The following ADAMTS14 variants were observed in gnomAD, a reference collection of about 807,000 sequenced individuals.
The protein encoded by ADAMTS14 is A disintegrin and metalloproteinase with thrombospondin motifs 14.
A neutral mutation model predicts 128.6 loss-of-function variants in ADAMTS14; 100 were observed. The observed-to-expected ratio is 0.78, with a 90% confidence interval of 0.66 to 0.92. ADAMTS14 has a LOEUF of 0.92. Among genes scored for constraint, ADAMTS14 ranks in the 40% least tolerant of loss-of-function variants. ADAMTS14 has a pLI of 0.00. For synonymous variants in ADAMTS14, 665 were observed against 653.8 expected, an observed-to-expected ratio of 1.02 and a Z score of -0.26; for missense variants, 1,562 against 1,658.6, an observed-to-expected ratio of 0.94 and a Z score of 1.01.
chr10:70,684,134 G>A (rs947505202), intron 2 of ADAMTS14, among the ~76,000 whole-genome samples: 2 of 151,952 alleles, frequency 1.3e-5, no homozygotes, highest in African/African-American at 4.8e-5. Flanking sequence ...GGCGGGAGCA[G>A]GAGCAAGATA....
intron 4 of ADAMTS14, among the ~76,000 whole-genome samples, chr10:70,716,519 C>G (rs866472366): frequency 3.9e-5 from 6 of 152,162 alleles, no homozygotes; most frequent in Non-Finnish European, 7.3e-5. Context: ...AGATGGGGAC[C>G]GACAGTCTGC....
At chr10:70,716,423 G>A (rs1589292648) in intron 4 of ADAMTS14, among the ~76,000 whole-genome samples, 2 of 152,186 alleles carry the variant, frequency 1.3e-5, no homozygotes, top group African/African-American at 4.8e-5. Context: ...CTGCCATCGC[G>A]GGTACATGGG....
chr10:70,687,206 T>A (rs1395476311), intron 2 of ADAMTS14, among the ~76,000 whole-genome samples: 19 of 80,278 alleles, frequency 2.4e-4, no homozygotes, highest in African/African-American at 7.3e-4. Flanking sequence ...CCCACCTCCC[T>A]CCCGGACGGG....
intron 4 of ADAMTS14, among the ~76,000 whole-genome samples, chr10:70,718,685 CTT>C (rs1554818749): frequency 7.1e-5 from 10 of 140,734 alleles, no homozygotes; most frequent in Non-Finnish European, 1.2e-4. Context: ...GGTGCCCAGC[CTT>C]TTTTTTTTTT....
chr10:70,702,500 T>A (rs747772903), intron 3 of ADAMTS14, 32 bp downstream of exon 3: 1 of 1,572,476 alleles, frequency 6.4e-7, no homozygotes. Context: ...GTGTGCTGCT[T>A]CTCTCCCTAC....
At chr10:70,735,936 G>A (rs1841813738) in intron 9 of ADAMTS14, among the ~76,000 whole-genome samples, 1 of 152,190 alleles carries the variant, frequency 6.6e-6, no homozygotes, top group African/African-American at 2.4e-5. Flanking sequence ...AGGCCTTGGG[G>A]ACCTGAGTGC....
At chr10:70,706,499 G>C (rs1455776495) in intron 3 of ADAMTS14, among the ~76,000 whole-genome samples, 1 of 152,192 alleles carries the variant, frequency 6.6e-6, no homozygotes, top group African/African-American at 2.4e-5. Context: ...TCCCCTGCTG[G>C]GGGCTGCCCT....
chr10:70,691,233 C>A (rs1453132715), intron 2 of ADAMTS14, among the ~76,000 whole-genome samples: 1 of 143,968 alleles, frequency 6.9e-6, no homozygotes, highest in Admixed American at 6.9e-5. Context: ...GTGGCTCACA[C>A]CTGTAATCCT....
rs770050584 is a variant in ADAMTS14 at position 70,733,899 on chromosome 10, A to C, written c.1223A>C (p.His408Pro). 3 of 1,613,442 alleles carry C rather than the reference A, an allele frequency of 1.9e-6. No homozygotes were observed. The African/African-American group carries it at 4.0e-5, about 22-fold the overall frequency. ...CCCCATTCCAGGCTCGGCATGGAGC[A>C]TGACGGTCAGGGGAATGGCTGTGCA... is the stretch of plus-strand genomic sequence containing the variant. ...HETGHVLGME[H>P]DGQGNGCADE... is the part of the protein sequence containing the mutation. Residue 408 changes from histidine (H) to proline (P), a missense_variant, in exon 8 of 22, where the codon CAT becomes CCT. Physicochemically the swap from His to Pro is moderately conservative, Grantham distance 77. Coordinates refer to ENST00000373207, the MANE Select transcript of ADAMTS14 (RefSeq NM_080722.4).
At chr10:70,759,735 T>C (rs1209662366) in intron 21 of ADAMTS14, among the ~76,000 whole-genome samples, 1 of 152,210 alleles carries the variant, frequency 6.6e-6, no homozygotes, top group African/African-American at 2.4e-5. Context: ...TCAGTCTGCC[T>C]GTCCCAAGCA....
rs976828041 is a variant in ADAMTS14 at position 70,709,059 on chromosome 10, G to A, written c.870+281G>A. Among the ~76,000 whole-genome samples the A allele has an allele frequency of 7.9e-5, 12 of 152,332 alleles. 1 individual carries two copies. The South Asian group carries it at 8.3e-4, about 11-fold the overall frequency. ...TGAGGTGACCCACCAGGCCTCCTGC[G>A]CTGGAGCCTGTGGACAGTGGGTTCT... On this transcript the variant is annotated intron_variant, in intron 4 of 21. Coordinates refer to ENST00000373207, the MANE Select transcript of ADAMTS14 (RefSeq NM_080722.4).
intron 3 of ADAMTS14, among the ~76,000 whole-genome samples, chr10:70,705,222 G>C (rs903997696): frequency 1.3e-5 from 2 of 152,180 alleles, no homozygotes; most frequent in African/African-American, 4.8e-5. Flanking sequence ...CCCTCACCCC[G>C]CGGCCCTGCC....
intron 19 of ADAMTS14, among the ~76,000 whole-genome samples, chr10:70,755,071 T>C (rs1175851856): frequency 4.6e-5 from 7 of 151,818 alleles, no homozygotes; most frequent in Middle Eastern, 3.2e-3. Context: ...TTTGGGAGGC[T>C]GATGTGGGTG....
intron 18 of ADAMTS14, among the ~76,000 whole-genome samples, chr10:70,753,127 G>A (rs1481199067): frequency 1.3e-5 from 2 of 152,232 alleles, no homozygotes; most frequent in Non-Finnish European, 2.9e-5. Context: ...CTGCCTGGAA[G>A]TGACTAAAAG....
intron 4 of ADAMTS14, among the ~76,000 whole-genome samples, chr10:70,718,930 A>G (rs1841157823): frequency 6.6e-6 from 1 of 151,840 alleles, no homozygotes; most frequent in African/African-American, 2.4e-5. Context: ...TCCTGGCCTC[A>G]AGCAATCCTC....
At position 70,726,454 on chromosome 10, in the gene ADAMTS14, G is replaced by A. The variant is rs138259463; in HGVS notation, c.871-2840G>A. 4.6e-5 allele frequency among the ~76,000 whole-genome samples: 7 copies of A among 152,332 alleles called. No homozygotes were observed. The East Asian group carries it at 1.3e-3, about 29-fold the overall frequency. ...GGCCCAGCAGATGCCCCCGCTGAAT[G>A]TCCCAGTGACTCCTTTCTTCTCCTG... On this transcript the variant is annotated intron_variant, in intron 4 of 21. Transcript: ENST00000373207.
intron 4 of ADAMTS14, among the ~76,000 whole-genome samples, chr10:70,719,574 A>T (rs1349291090): frequency 3.5e-5 from 5 of 143,558 alleles, no homozygotes; most frequent in African/African-American, 1.3e-4. Flanking sequence ...GCTAATTTTT[A>T]TTTTTTTTTT....
intron 10 of ADAMTS14, among the ~76,000 whole-genome samples, chr10:70,737,029 T>G (rs1841849226): frequency 6.6e-6 from 1 of 152,192 alleles, no homozygotes; most frequent in African/African-American, 2.4e-5. Flanking sequence ...TGTAATTGGC[T>G]GAGGGTAGCA....
At chr10:70,684,643 T>C (rs1056842805) in intron 2 of ADAMTS14, among the ~76,000 whole-genome samples, 1 of 152,274 alleles carries the variant, frequency 6.6e-6, no homozygotes, top group African/African-American at 2.4e-5. Context: ...CTTAAAGTGC[T>C]GCCACAGTGC....
Sources: gnomAD v4.1 joint callset for allele counts (sites outside exome capture counted in the v4.1 genomes callset) on GRCh38, gnomAD v4.1.1 for gene constraint, MANE v1.5 for transcripts, NCBI Gene and HGNC (gene_info 2026-07-23, HGNC 2026-07-21) for gene names.